The following VPS37A variants were observed in gnomAD, a reference collection of about 807,000 sequenced individuals.
The protein encoded by VPS37A is VPS37A subunit of ESCRT-I.
A neutral mutation model predicts 49.8 loss-of-function variants in VPS37A; 30 were observed. The observed-to-expected ratio is 0.60, with a 90% CI of 0.45 to 0.82. The LOEUF is 0.82. Ranked by LOEUF, VPS37A falls within the 40% of genes least tolerant of loss-of-function variation. The probability of loss-of-function intolerance (pLI) is 0.00; values close to 1 mark genes in which losing one functional copy is unlikely to be tolerated. For missense variants in VPS37A, 593 were observed against 464.4 expected (o/e 1.28, Z -2.55); for synonymous variants, 195 against 160.6 (o/e 1.21, Z -1.62).
At chr8:17,330,472 G>T in the VPS37A span, among the ~76,000 whole-genome samples, 2 of 152,266 alleles carry the variant, frequency 1.3e-5, no homozygotes, top group South Asian at 2.1e-4. Flanking sequence ...TGATCACAAG[G>T]AGCAGAAGCA....
At chr8:17,308,760 A>G in the VPS37A span, among the ~76,000 whole-genome samples, 1 of 152,190 alleles carries the variant, frequency 6.6e-6, no homozygotes, top group Admixed American at 6.5e-5. Context: ...CAGACAGCCC[A>G]GACGTCCAAG....
At chr8:17,276,571 A>T (rs1381825779) in intron 6 of VPS37A, 104 bp downstream of exon 6, 1 of 1,107,462 alleles carries the variant, frequency 9.0e-7, no homozygotes, top group Admixed American at 2.8e-5. Flanking sequence ...AATTTTCACT[A>T]ATCCTAAACA....
At chr8:17,250,455 C>T (rs2150342722) in intron 1 of VPS37A, among the ~76,000 whole-genome samples, 1 of 152,244 alleles carries the variant, frequency 6.6e-6, no homozygotes, top group East Asian at 1.9e-4. Flanking sequence ...AGTACAAAAA[C>T]TTGTTACATG....
At chr8:17,252,333 TTTG>T (rs150978188) in intron 1 of VPS37A, among the ~76,000 whole-genome samples, 9 of 151,810 alleles carry the variant, frequency 5.9e-5, no homozygotes, top group East Asian at 1.9e-4. Flanking sequence ...TTTAATTACT[TTTG>T]TTGTTGTTGT....
chr8:17,326,163 C>T, the VPS37A span, among the ~76,000 whole-genome samples: 2 of 152,160 alleles, frequency 1.3e-5, no homozygotes, highest in African/African-American at 4.8e-5. Flanking sequence ...CCTCGAGAGG[C>T]AGAAAAGCCT....
chr8:17,263,928 G>A (rs891685287), intron 1 of VPS37A, among the ~76,000 whole-genome samples: 12 of 152,120 alleles, frequency 7.9e-5, no homozygotes, highest in African/African-American at 2.4e-4. Context: ...GCAACAGAGC[G>A]AAACTCCGTG....
chr8:17,321,372 C>G, the VPS37A span, among the ~76,000 whole-genome samples: 8 of 152,232 alleles, frequency 5.3e-5, no homozygotes, highest in African/African-American at 1.9e-4. Flanking sequence ...ACCATGTCAG[C>G]ACTAACAAGG....
downstream of VPS37A, among the ~76,000 whole-genome samples, chr8:17,303,889 T>A (rs149510921): frequency 7.6e-4 from 115 of 152,316 alleles, 1 homozygote; most frequent in African/African-American, 2.7e-3. Context: ...TTAATGTAAT[T>A]TCCACAAGGG....
the VPS37A span, chr8:17,313,346 A>G: frequency 6.2e-7 from 1 of 1,613,380 alleles, no homozygotes; most frequent in Non-Finnish European, 8.5e-7. Flanking sequence ...TTAACCAGCC[A>G]GAGTTCTCCA....
intron 1 of VPS37A, among the ~76,000 whole-genome samples, chr8:17,259,505 C>G (rs1177856802): frequency 1.3e-5 from 2 of 152,064 alleles, no homozygotes; most frequent in African/African-American, 4.8e-5. Context: ...ATGTTCTGTT[C>G]TGGAGAATGT....
rs536574920 is a variant in VPS37A, at chr8:17,247,003, C to G, written c.-242C>G. Reference sequence around the variant, plus strand: ...GGCTGGCCGGTTTGGGCGTCTGGGCCGTGAAGGTGGGACCTCCTGTTCCGG... The same window carrying G: ...GGCTGGCCGGTTTGGGCGTCTGGGCGGTGAAGGTGGGACCTCCTGTTCCGG... On this transcript the variant is annotated 5_prime_UTR_variant, in exon 1 of 12. Coordinates refer to ENST00000324849, the MANE Select transcript of VPS37A (RefSeq NM_152415.3). 15 of 547,064 alleles carry G rather than the reference C, an allele frequency of 2.7e-5. No individual in the cohort carries two copies. Among genetic ancestry groups the G allele is most frequent in the East Asian group, 3.3e-5 (1 of 30,064 alleles). The allele number at this position is 547,064 out of a possible 1,614,324, so 33.9% of individuals were successfully genotyped here. A position where few individuals can be genotyped will look rare whatever the true frequency, so the allele number is the denominator to read the frequency against.
chr8:17,250,746 C>T (rs1438286248), intron 1 of VPS37A, among the ~76,000 whole-genome samples: 1 of 152,128 alleles, frequency 6.6e-6, no homozygotes, highest in Non-Finnish European at 1.5e-5. Flanking sequence ...ATTCTTATCT[C>T]CTCAGCTACC....
the VPS37A span, chr8:17,326,244 T>G: frequency 6.6e-6 from 1 of 152,194 alleles, no homozygotes; most frequent in Non-Finnish European, 1.5e-5. Context: ...CTTACTATTT[T>G]GAGCTGAAAC....
At chr8:17,251,871 T>G (rs1300539592) in intron 1 of VPS37A, among the ~76,000 whole-genome samples, 1 of 152,154 alleles carries the variant, frequency 6.6e-6, no homozygotes, top group Non-Finnish European at 1.5e-5. Flanking sequence ...TCTTGTAGAG[T>G]CAGCTCTTGT....
At chr8:17,302,371 G>T, downstream of VPS37A, 1 of 1,357,160 alleles carries the variant, frequency 7.4e-7, no homozygotes, top group Non-Finnish European at 9.8e-7. Context: ...TGATACCACA[G>T]TCTTAATAAT....
chr8:17,324,234 T>C, the VPS37A span, among the ~76,000 whole-genome samples: 9 of 152,216 alleles, frequency 5.9e-5, no homozygotes, highest in South Asian at 2.1e-4. Context: ...GCCTGGCATA[T>C]AGAACACTCT....
intron 1 of VPS37A, among the ~76,000 whole-genome samples, chr8:17,249,164 T>C (rs1811744503): frequency 6.6e-6 from 1 of 152,204 alleles, no homozygotes; most frequent in Admixed American, 6.5e-5. Context: ...TGGAGTTTAA[T>C]TTTTTAAATA....
rs1198541918 is a variant in VPS37A, at chr8:17,265,997, T to G, written c.200+16T>G. On this transcript the variant is annotated intron_variant, in intron 2 of 11. Coordinates refer to ENST00000324849, the MANE Select transcript of VPS37A (RefSeq NM_152415.3). ...ACATTAATATGTGAGTAGAATTGTA[T>G]CCTACTTTTTCATGTAAAAGGACTT... 1 of 1,596,408 alleles carries G rather than the reference T, an allele frequency of 6.3e-7. No individual in the cohort carries two copies. The highest frequency in any genetic ancestry group is 1.3e-5 in the African/African-American group (1 of 74,160).
chr8:17,286,779 T>C (rs1331501583), intron 11 of VPS37A, among the ~76,000 whole-genome samples: 1 of 152,158 alleles, frequency 6.6e-6, no homozygotes, highest in African/African-American at 2.4e-5. Context: ...TTTCTTCCTT[T>C]AAAGTGAACT....
Sources: gnomAD v4.1 joint callset for allele counts (sites outside exome capture counted in the v4.1 genomes callset) on GRCh38, gnomAD v4.1.1 for gene constraint, MANE v1.5 for transcripts, NCBI Gene and HGNC (gene_info 2026-07-23, HGNC 2026-07-21) for gene names.